Variants in SMURF2 observed in about 807,000 individuals in gnomAD.
SMURF2 encodes E3 ubiquitin-protein ligase SMURF2.
In SMURF2, 48 loss-of-function variants were observed where a neutral mutation model predicts 109.6. The ratio of observed to expected loss-of-function variants is 0.44; its 90% CI spans 0.35 to 0.56. SMURF2 has a LOEUF of 0.56. Ranked by LOEUF, SMURF2 falls within the 20% of genes least tolerant of loss-of-function variation. The probability of loss-of-function intolerance (pLI) is 0.01; values close to 1 mark genes in which losing one functional copy is unlikely to be tolerated. For missense variants in SMURF2, 575 were observed against 909.0 expected (o/e 0.63, Z 4.72); for synonymous variants, 288 against 317.1 (o/e 0.91, Z 0.97).
At chr17:64,653,728 C>A (rs778493716) in intron 1 of SMURF2, among the ~76,000 whole-genome samples, 1 of 152,124 alleles carries the variant, frequency 6.6e-6, no homozygotes, top group Non-Finnish European at 1.5e-5. Context: ...TGCATACTTT[C>A]TGTATGATGC....
chr17:64,547,518 T>A lies in SMURF2; in HGVS notation c.2071+82A>T. Reference sequence around the variant, plus strand: ...AAAAAGAGAATCTCTAAGCACATGGTTTACAAAATATCTCCACAGACCCCA... The same window carrying A: ...AAAAAGAGAATCTCTAAGCACATGGATTACAAAATATCTCCACAGACCCCA... On this transcript the variant is annotated intron_variant, in intron 17 of 18. Coordinates refer to ENST00000262435, the MANE Select transcript of SMURF2 (RefSeq NM_022739.4). This position sits in a 1 kb window ranked among gnomAD's most constrained non-coding sequence, Gnocchi z 4.2. The A allele has an allele frequency of 1.7e-6, 2 of 1,181,236 alleles. No homozygotes were observed. Among genetic ancestry groups the A allele is most frequent in the Middle Eastern group, 4.4e-4 (2 of 4,590 alleles). 73.2% of individuals were successfully genotyped at this position (1,181,236 alleles called of 1,614,324 possible). A position where few individuals can be genotyped will look rare whatever the true frequency, so the allele number is the denominator to read the frequency against.
rs782105983 is a variant in SMURF2, at chr17:64,569,299, CT to C, written c.1016+2498del. Among the ~76,000 whole-genome samples, 13 of 147,082 alleles carry C rather than the reference CT, an allele frequency of 8.8e-5. No homozygotes were observed. In the East Asian group the frequency reaches 1.2e-3, roughly 13 times the overall value. On this transcript the variant is annotated intron_variant, in intron 10 of 18. Coordinates refer to ENST00000262435, the MANE Select transcript of SMURF2 (RefSeq NM_022739.4). ...CTGGGTGACAACAGGGAAACTCCAT[CT>C]AAAAAAAAAAAAATCCATACACAAA...
At chr17:64,656,408 TAAAC>T (rs1970705765) in intron 1 of SMURF2, among the ~76,000 whole-genome samples, 1 of 152,318 alleles carries the variant, frequency 6.6e-6, no homozygotes, top group South Asian at 2.1e-4. Flanking sequence ...ATATCATTAG[TAAAC>T]AGACAGGAAA....
intron 2 of SMURF2, among the ~76,000 whole-genome samples, chr17:64,603,978 G>A (rs572903198): frequency 5.3e-5 from 8 of 152,042 alleles, no homozygotes; most frequent in Non-Finnish European, 7.4e-5. Flanking sequence ...TAACTGAATC[G>A]CAAGCAAAAA....
At chr17:64,615,745 T>C (rs1267014342) in intron 1 of SMURF2, among the ~76,000 whole-genome samples, 3 of 152,194 alleles carry the variant, frequency 2.0e-5, no homozygotes, top group Admixed American at 2.0e-4. Flanking sequence ...AAATGATCAG[T>C]TAAGTAAATG....
chr17:64,551,618 T>C lies in SMURF2; in HGVS notation c.1835A>G (p.His612Arg). ...CTTCTCATCAAATGTCTTCAGCAGA[T>C]GTTGTGGAATTACTTCATTAAATCC... ...QKGFNEVIPQ[H>R]LLKTFDEKEL... The change falls in exon 16 of 19, where the codon CAT becomes CGT. Residue 612 changes from histidine (H) to arginine (R), a missense_variant. Transcript: ENST00000262435. The C allele has an allele frequency of 6.2e-7, 1 of 1,614,068 alleles. No homozygotes were observed. Among genetic ancestry groups the C allele is most frequent in the Non-Finnish European group, 8.5e-7 (1 of 1,179,964 alleles).
At chr17:64,628,338 T>TG (rs1370722700) in intron 1 of SMURF2, among the ~76,000 whole-genome samples, 2 of 152,194 alleles carry the variant, frequency 1.3e-5, no homozygotes, top group African/African-American at 4.8e-5. Flanking sequence ...CCTAGACTAC[T>TG]GGGTCTGCCT....
At chr17:64,563,872 G>C (rs533466845) in intron 10 of SMURF2, among the ~76,000 whole-genome samples, 1 of 152,216 alleles carries the variant, frequency 6.6e-6, no homozygotes, top group East Asian at 1.9e-4. Flanking sequence ...CCTCCTGGTA[G>C]CTAGAACTAC....
chr17:64,634,027 G>A (rs782125944), intron 1 of SMURF2, among the ~76,000 whole-genome samples: 22 of 152,128 alleles, frequency 1.4e-4, no homozygotes, highest in African/African-American at 2.2e-4. Flanking sequence ...GGTGGTGCGC[G>A]CCTGTAATCC....
intron 1 of SMURF2, among the ~76,000 whole-genome samples, chr17:64,655,170 T>C (rs1970689748): frequency 6.6e-6 from 1 of 151,838 alleles, no homozygotes; most frequent in African/African-American, 2.4e-5. Context: ...CATATCATGT[T>C]CCTGGGTGAG....
At chr17:64,569,817 A>AT (rs1555685408) in intron 10 of SMURF2, among the ~76,000 whole-genome samples, 2 of 152,236 alleles carry the variant, frequency 1.3e-5, no homozygotes, top group African/African-American at 4.8e-5. Flanking sequence ...ATTCTACGAC[A>AT]TAGCAATTCC....
rs372105727 is a variant in SMURF2 at position 64,601,295 on chromosome 17, G to C, written c.92-2805C>G. Reference sequence around the variant, plus strand: ...TTAAGGATTAAGAAAAACAACAGCTGACAAAGGACTAATATCCAGAATCTA... The same window carrying C: ...TTAAGGATTAAGAAAAACAACAGCTCACAAAGGACTAATATCCAGAATCTA... On this transcript the variant is annotated intron_variant, in intron 2 of 18. Transcript: ENST00000262435. 1.6e-4 allele frequency among the ~76,000 whole-genome samples: 24 copies of C among 151,976 alleles called. 1 individual carries two copies. The highest frequency in any genetic ancestry group is 5.5e-4 in the African/African-American group (23 of 41,450).
chr17:64,585,169 A>C (rs1409709932), intron 6 of SMURF2, among the ~76,000 whole-genome samples: 3 of 152,232 alleles, frequency 2.0e-5, no homozygotes, highest in Non-Finnish European at 2.9e-5. Context: ...TTAGTTAAAA[A>C]TACTTTGAAT....
intron 2 of SMURF2, among the ~76,000 whole-genome samples, chr17:64,598,762 T>C (rs1489735996): frequency 6.6e-6 from 1 of 152,254 alleles, no homozygotes; most frequent in African/African-American, 2.4e-5. Context: ...AAGTTTTTAA[T>C]AGGTTGTTAC....
intron 1 of SMURF2, among the ~76,000 whole-genome samples, chr17:64,631,221 G>T (rs1398142508): frequency 7.3e-6 from 1 of 136,128 alleles, no homozygotes; most frequent in Admixed American, 7.8e-5. Context: ...GAGAGGGACG[G>T]GGGTGAGGTG....
chr17:64,647,733 C>T (rs1970578155), intron 1 of SMURF2, among the ~76,000 whole-genome samples: 1 of 150,260 alleles, frequency 6.7e-6, no homozygotes, highest in Admixed American at 6.7e-5. Context: ...AAAAGGTGCT[C>T]ATTTCACTTT....
chr17:64,565,909 T>C (rs1555684910), intron 10 of SMURF2, among the ~76,000 whole-genome samples: 1 of 152,080 alleles, frequency 6.6e-6, no homozygotes. Flanking sequence ...AAGAATATGC[T>C]TCCTTGGCAA....
chr17:64,612,170 A>G (rs1598295685), intron 1 of SMURF2, among the ~76,000 whole-genome samples: 1 of 152,252 alleles, frequency 6.6e-6, no homozygotes, highest in East Asian at 1.9e-4. Context: ...TGTTGCTTAT[A>G]ATTGCGGAGG....
At chr17:64,592,686 A>T (rs1327835970) in intron 4 of SMURF2, among the ~76,000 whole-genome samples, 1 of 152,328 alleles carries the variant, frequency 6.6e-6, no homozygotes, top group South Asian at 2.1e-4. Context: ...ATTCTATAGA[A>T]ACAAACACAC....
Sources: allele counts gnomAD v4.1 joint callset (sites outside exome capture counted in the v4.1 genomes callset), GRCh38; gene constraint gnomAD v4.1.1; non-coding constraint Gnocchi (gnomAD v3.1); transcripts MANE v1.5; gene names NCBI Gene and HGNC (gene_info 2026-07-23, HGNC 2026-07-21).